The following VIT variants were observed in gnomAD, a reference collection of about 807,000 sequenced individuals.
VIT encodes the protein vitrin.
VIT carries 99 observed loss-of-function variants against 78.0 expected under a neutral mutation model. The ratio of observed to expected loss-of-function variants is 1.27; its 90% CI spans 1.08 to 1.50. The LOEUF (loss-of-function observed/expected upper bound fraction) is 1.50, where lower values mean the gene tolerates loss of function less well. Ranked by LOEUF, VIT falls within the 40% of genes most tolerant of loss-of-function variation. The pLI is 0.00. For synonymous variants in VIT, 374 were observed against 334.3 expected (o/e 1.12, Z -1.29); for missense variants, 1,126 against 875.3 (o/e 1.29, Z -3.61).
chr2:36,744,041 T>A (rs1022229015), intron 4 of VIT, among the ~76,000 whole-genome samples: 4 of 152,194 alleles, frequency 2.6e-5, no homozygotes, highest in Non-Finnish European at 5.9e-5. Context: ...CTCCCACTTA[T>A]AAGTGAGAAC....
rs1208104600 is a variant in VIT at position 36,764,737 on chromosome 2, T to C, written c.488-2357T>C. ...TGTCTTAAGTCAGTGCTGTGATTCCTGCAAAAGACGGCAGAGTCAGGGTGG... is the reference window on the plus strand; with the variant it reads ...TGTCTTAAGTCAGTGCTGTGATTCCCGCAAAAGACGGCAGAGTCAGGGTGG... On this transcript the variant is annotated intron_variant, in intron 6 of 15. Transcript: ENST00000379242. 2.0e-5 allele frequency among the ~76,000 whole-genome samples: 3 copies of C among 152,194 alleles called. No homozygotes were observed. The East Asian group carries it at 5.8e-4, about 29-fold the overall frequency.
intron 6 of VIT, chr2:36,759,413 A>G: frequency 7.6e-7 from 1 of 1,314,092 alleles, no homozygotes; most frequent in African/African-American, 1.5e-5. Flanking sequence ...TAGATATGAA[A>G]TGAAGAGAAG....
intron 5 of VIT, among the ~76,000 whole-genome samples, chr2:36,755,617 C>T (rs750283893): frequency 1.3e-5 from 2 of 152,182 alleles, no homozygotes; most frequent in Non-Finnish European, 2.9e-5. Flanking sequence ...GCTCGAGTAG[C>T]TTGTTCCCCA....
intron 2 of VIT, among the ~76,000 whole-genome samples, chr2:36,725,641 G>A (rs1398973623): frequency 6.6e-6 from 1 of 151,984 alleles, no homozygotes; most frequent in African/African-American, 2.4e-5. Flanking sequence ...GACCACAGTA[G>A]CTGAATAATC....
At chr2:36,806,210 A>C (rs1205851758) in intron 14 of VIT, among the ~76,000 whole-genome samples, 1 of 152,212 alleles carries the variant, frequency 6.6e-6, no homozygotes, top group Non-Finnish European at 1.5e-5. Flanking sequence ...CCCTTTGTAC[A>C]GTGGAACACC....
chr2:36,766,370 A>C (rs946907208), intron 6 of VIT, among the ~76,000 whole-genome samples: 2 of 152,130 alleles, frequency 1.3e-5, no homozygotes, highest in Non-Finnish European at 2.9e-5. Flanking sequence ...CTCTACAAAA[A>C]AAAAATTTTA....
chr2:36,730,306 G>A (rs11678995), intron 3 of VIT, among the ~76,000 whole-genome samples: 58,198 of 150,680 alleles, frequency 0.39, 12,126 homozygotes, highest in Non-Finnish European at 0.46. Context: ...AAAACAGGGG[G>A]AAAAAAAAGA....
chr2:36,765,266 C>A (rs1669350740), intron 6 of VIT, among the ~76,000 whole-genome samples: 1 of 152,078 alleles, frequency 6.6e-6, no homozygotes. Flanking sequence ...AGTTCGTTCT[C>A]ACACTGCTAT....
chr2:36,729,267 G>C lies in VIT; in HGVS notation c.53-159G>C, dbSNP rs186549785. Reference sequence around the variant, plus strand: ...AAATCACCTGTTGACACATTTTTCAGAGAGTAGCCCCATCATTAAGTGATG... The same window carrying C: ...AAATCACCTGTTGACACATTTTTCACAGAGTAGCCCCATCATTAAGTGATG... On this transcript the variant is annotated intron_variant, in intron 2 of 15. Transcript: ENST00000379242. 2.2e-4 allele frequency among the ~76,000 whole-genome samples: 33 copies of C among 152,310 alleles called. No individual in the cohort carries two copies. In the East Asian group the frequency reaches 6.2e-3, roughly 28 times the overall value.
intron 12 of VIT, among the ~76,000 whole-genome samples, chr2:36,797,252 G>C (rs1046566152): frequency 3.9e-5 from 6 of 152,144 alleles, no homozygotes; most frequent in Non-Finnish European, 8.8e-5. Flanking sequence ...AGACGTCTTG[G>C]AAGAGGCATT....
Position 36,752,124 on chromosome 2 carries a change from G to C in VIT, c.276-2797G>C, listed in dbSNP as rs114816268. Among the ~76,000 whole-genome samples, 456 of 152,286 alleles carry C rather than the reference G, an allele frequency of 3.0e-3. 2 individuals are homozygous for C. Among genetic ancestry groups the C allele is most frequent in the Non-Finnish European group, 4.7e-3 (318 of 68,030 alleles). ...TTCTATATCATGATCAGAGGTCTTA[G>C]TACAAGAAATTCCCTTAGTTTCTTC... On this transcript the variant is annotated intron_variant, in intron 4 of 15. Transcript: ENST00000379242.
At chr2:36,795,476 G>A (rs536162828) in intron 12 of VIT, among the ~76,000 whole-genome samples, 6 of 151,518 alleles carry the variant, frequency 4.0e-5, no homozygotes, top group East Asian at 3.9e-4. Context: ...GCCCTGGCGC[G>A]ATCTCAGCTC....
chr2:36,772,485 A>C (rs1213050102), intron 7 of VIT, among the ~76,000 whole-genome samples: 1 of 152,130 alleles, frequency 6.6e-6, no homozygotes, highest in Non-Finnish European at 1.5e-5. Flanking sequence ...TGGGGAGCCG[A>C]GATCATGCCA....
At chr2:36,743,879 TG>T (rs1667981855) in intron 4 of VIT, among the ~76,000 whole-genome samples, 1 of 152,180 alleles carries the variant, frequency 6.6e-6, no homozygotes, top group Admixed American at 6.5e-5. Context: ...TACATGATGC[TG>T]GGGTTTGGAG....
intron 4 of VIT, among the ~76,000 whole-genome samples, chr2:36,746,964 G>T (rs759582488): frequency 2.6e-5 from 4 of 151,948 alleles, no homozygotes; most frequent in Non-Finnish European, 5.9e-5. Flanking sequence ...CACTCAAAAC[G>T]CTTTCACTGC....
At chr2:36,747,798 G>A (rs939858432) in intron 4 of VIT, among the ~76,000 whole-genome samples, 2 of 152,134 alleles carry the variant, frequency 1.3e-5, no homozygotes, top group African/African-American at 4.8e-5. Context: ...TCATAATGTT[G>A]TCAGCTGGTT....
chr2:36,777,811 TTG>T (rs1670163602), intron 9 of VIT, among the ~76,000 whole-genome samples: 1 of 152,246 alleles, frequency 6.6e-6, no homozygotes, highest in South Asian at 2.1e-4. Context: ...CTTGTAATCT[TTG>T]TGTCATCTGG....
chr2:36,774,553 C>T (rs1404894140), intron 8 of VIT: 7 of 985,288 alleles, frequency 7.1e-6, no homozygotes, highest in African/African-American at 1.7e-5. Flanking sequence ...GGGGGATACT[C>T]GTCCACTCTC....
intron 15 of VIT, among the ~76,000 whole-genome samples, chr2:36,811,976 C>T (rs145902308): frequency 2.7e-4 from 41 of 152,074 alleles, no homozygotes; most frequent in Middle Eastern, 3.4e-3. Flanking sequence ...ACGCCTGGCC[C>T]GGAGAGCTAA....
Sources: allele counts gnomAD v4.1 joint callset (sites outside exome capture counted in the v4.1 genomes callset), GRCh38; gene constraint gnomAD v4.1.1; transcripts MANE v1.5; gene names NCBI Gene and HGNC (gene_info 2026-07-23, HGNC 2026-07-21).